Variants in RNF2 observed in about 807,000 individuals in gnomAD.
RNF2 encodes the protein ring finger protein 2, also known as E3 ubiquitin-protein ligase RING2.
Under a neutral mutation model 37.2 loss-of-function variants are expected in RNF2, and 6 were observed. The observed-to-expected ratio is 0.16, with a 90% confidence interval of 0.09 to 0.32. The LOEUF is 0.32. RNF2 is among the 10% of genes least tolerant of loss of function. The probability of loss-of-function intolerance (pLI) is 1.00; values close to 1 mark genes in which losing one functional copy is unlikely to be tolerated. For missense variants in RNF2, 251 were observed against 404.0 expected (o/e 0.62, Z 3.25); for synonymous variants, 133 against 132.7 (o/e 1.00, Z -0.02).
At chr1:185,065,999 A>C in intron 1 of RNF2, among the ~76,000 whole-genome samples, 1 of 151,290 alleles carries the variant, frequency 6.6e-6, no homozygotes, top group Non-Finnish European at 1.5e-5. Context: ...CCACAAGCTT[A>C]GGAGTCCTTT....
chr1:185,076,742 T>G (rs1351586625), intron 1 of RNF2, among the ~76,000 whole-genome samples: 1 of 152,060 alleles, frequency 6.6e-6, no homozygotes, highest in Non-Finnish European at 1.5e-5. Context: ...TTTGAGCCCT[T>G]TGTTTTGTTA....
chr1:185,085,145 C>CTTTTTTTTTTTTT (rs71555455), intron 1 of RNF2, among the ~76,000 whole-genome samples: 42 of 103,218 alleles, frequency 4.1e-4, no homozygotes, highest in Non-Finnish European at 4.8e-4. Context: ...CTTTCTTTTT[C>CTTTTTTTTTTTTT]TTTTTTTTTT....
chr1:185,100,256 C>A lies in RNF2; in HGVS notation c.966C>A (p.Asn322Lys), dbSNP rs148949992. The A allele has an allele frequency of 1.2e-6, 2 of 1,612,286 alleles. No homozygotes were observed. The highest frequency in any genetic ancestry group is 1.7e-6 in the Non-Finnish European group (2 of 1,179,424). ...TCAGTGAGAAATACTGGAAAGTGAACAAACCCATGGAACTTTATTACGCAC... is the reference window on the plus strand; with the variant it reads ...TCAGTGAGAAATACTGGAAAGTGAAAAAACCCATGGAACTTTATTACGCAC... ...ELVSEKYWKV[N>K]KPMELYYAPT... The change falls in exon 7 of 7, where the codon AAC (asparagine) becomes AAA (lysine). Residue 322 changes from asparagine (N) to lysine (K), a missense_variant. Asn to Lys is a moderately conservative substitution (Grantham distance 94, BLOSUM62 0). Transcript: ENST00000367510.
chr1:185,100,524 T>TA lies in RNF2; in HGVS notation c.*224dup, dbSNP rs1211865729. The TA allele has an allele frequency of 1.7e-5, 6 of 343,996 alleles. No individual in the cohort carries two copies. Among genetic ancestry groups the TA allele is most frequent in the African/African-American group, 1.1e-4 (5 of 45,464 alleles). 21.3% of individuals were successfully genotyped at this position (343,996 alleles called of 1,614,324 possible). The stretch of plus-strand genomic sequence containing the variant: ...TATTTTTTTCTTTCCTTTAAAAAAA[T>TA]ATATCTGAAGTTTCTTGTGTTTTTT... On this transcript the variant is annotated 3_prime_UTR_variant, in exon 7 of 7. Coordinates refer to ENST00000367510, the MANE Select transcript of RNF2 (RefSeq NM_007212.4).
chr1:185,070,638 CTTTTTTT>C (rs893631238), intron 1 of RNF2, among the ~76,000 whole-genome samples: 1 of 129,744 alleles, frequency 7.7e-6, no homozygotes, highest in African/African-American at 2.8e-5. Flanking sequence ...ATTTTCTTTT[CTTTTTTT>C]TTTTTTTTTT....
At chr1:185,067,014 A>G (rs1326888247) in intron 1 of RNF2, among the ~76,000 whole-genome samples, 3 of 152,258 alleles carry the variant, frequency 2.0e-5, no homozygotes, top group Non-Finnish European at 4.4e-5. Context: ...TGTTAAGTTT[A>G]TTACTAGTAT....
rs190481728 is a variant in RNF2 at position 185,090,186 on chromosome 1, C to T, written c.88-1393C>T. 3.9e-3 allele frequency among the ~76,000 whole-genome samples: 592 copies of T among 152,230 alleles called. 4 individuals are homozygous for T. Among genetic ancestry groups the T allele is most frequent in the African/African-American group, 0.013 (553 of 41,556 alleles). ...CCACCCGCCTCGGCCTCCCGAAGTG[C>T]TGGAATTACAGGTGTGAGCCATCGT... On this transcript the variant is annotated intron_variant, in intron 2 of 6. Transcript: ENST00000367510.
chr1:185,100,179 T>C, intron 6 of RNF2, 21 bp from the exon 7 acceptor site: 1 of 1,539,558 alleles, frequency 6.5e-7, no homozygotes, highest in Non-Finnish European at 8.8e-7. Flanking sequence ...TTCATAATTT[T>C]TTCTTTCTTT....
In RNF2 at chr1:185,102,512, A is replaced by G. The variant is rs556012998; in HGVS notation, c.*2211A>G. 6.6e-6 allele frequency: 1 copy of G among 152,194 alleles called. No homozygotes were observed. Among genetic ancestry groups the G allele is most frequent in the Non-Finnish European group, 1.5e-5 (1 of 68,012 alleles). The allele number at this position is 152,194 out of a possible 1,614,324, so 9.4% of individuals were successfully genotyped here. ...GTTAGGTACATTCACAATGTTGTGT[A>G]ATGATCACCGCTGTCTACTTGTAAA... On this transcript the variant is annotated 3_prime_UTR_variant, in exon 7 of 7. Coordinates refer to ENST00000367510, the MANE Select transcript of RNF2 (RefSeq NM_007212.4).
chr1:185,083,006 C>T (rs1355744505), intron 1 of RNF2, among the ~76,000 whole-genome samples: 1 of 152,306 alleles, frequency 6.6e-6, no homozygotes, highest in East Asian at 1.9e-4. Flanking sequence ...TACAAAGAAG[C>T]TGGCCATCTA....
At chr1:185,057,776 G>A (rs79091515) in intron 1 of RNF2, among the ~76,000 whole-genome samples, 2,256 of 149,900 alleles carry the variant, frequency 0.015, 26 homozygotes, top group Non-Finnish European at 0.024. Context: ...GGATTCAACA[G>A]ACTGCAGGTG....
chr1:185,057,276 A>C (rs1650462255), intron 1 of RNF2, among the ~76,000 whole-genome samples: 1 of 152,152 alleles, frequency 6.6e-6, no homozygotes, highest in Non-Finnish European at 1.5e-5. Flanking sequence ...ACACTGTTTC[A>C]CTCTAGCCTG....
chr1:185,078,339 T>C (rs935635004), intron 1 of RNF2, among the ~76,000 whole-genome samples: 2 of 152,232 alleles, frequency 1.3e-5, no homozygotes, highest in Non-Finnish European at 2.9e-5. Context: ...TTGATTCTTA[T>C]GAAGATTACC....
At chr1:185,079,079 C>CTTT (rs58085875) in intron 1 of RNF2, among the ~76,000 whole-genome samples, 204 of 130,374 alleles carry the variant, frequency 1.6e-3, no homozygotes, top group African/African-American at 4.7e-3. Context: ...TAGATCTTTT[C>CTTT]TTTTTTTTTT....
At chr1:185,096,626 A>G (rs1457291506) in intron 4 of RNF2, among the ~76,000 whole-genome samples, 2 of 151,972 alleles carry the variant, frequency 1.3e-5, no homozygotes, top group Non-Finnish European at 2.9e-5. Context: ...TAGGCCACCA[A>G]GTTACGTATT....
chr1:185,093,079 C>T lies in RNF2; in HGVS notation c.267C>T (p.Thr89=). Residue 89 remains threonine (T), a synonymous_variant, in exon 4 of 7, where the codon ACC becomes ACT. Transcript: ENST00000367510. ...ALRSGNKECP[T]CRKKLVSKRS... ...TATTTAGCAACAAAGAATGTCCTAC[C>T]TGTCGGAAAAAACTAGTTTCCAAAA... 1 of 1,613,808 alleles carries T rather than the reference C, an allele frequency of 6.2e-7. No individual in the cohort carries two copies. Among genetic ancestry groups the T allele is most frequent in the Non-Finnish European group, 8.5e-7 (1 of 1,179,798 alleles).
At position 185,098,332 on chromosome 1, in the gene RNF2, G is replaced by A. The variant is rs778113393; in HGVS notation, c.725G>A (p.Ser242Asn). The stretch of plus-strand genomic sequence containing the variant: ...CCCACACTTATGGAAAAAGATGACA[G>A]TGCACAGACGAGGTAAGTGTGTGGA... ...PHPTLMEKDD[S>N]AQTRYIKTSG... Residue 242 changes from serine (S) to asparagine (N), a missense_variant, in exon 5 of 7, where the codon AGT becomes AAT. Coordinates refer to ENST00000367510, the MANE Select transcript of RNF2 (RefSeq NM_007212.4). The A allele has an allele frequency of 2.0e-5, 33 of 1,613,828 alleles. No individual in the cohort carries two copies. Among genetic ancestry groups the A allele is most frequent in the Non-Finnish European group, 2.8e-5 (33 of 1,179,856 alleles).
intron 1 of RNF2, among the ~76,000 whole-genome samples, chr1:185,085,451 A>T (rs1024978445): frequency 2.0e-5 from 3 of 151,810 alleles, no homozygotes; most frequent in Non-Finnish European, 4.4e-5. Context: ...CTTCTTTCTT[A>T]TACCAGTGTT....
At chr1:185,077,298 C>G (rs532610681) in intron 1 of RNF2, among the ~76,000 whole-genome samples, 14 of 151,982 alleles carry the variant, frequency 9.2e-5, no homozygotes, top group South Asian at 2.1e-4. Flanking sequence ...CCTCCTCCCC[C>G]CTCCCTCCTA....
Sources: allele counts gnomAD v4.1 joint callset (sites outside exome capture counted in the v4.1 genomes callset), GRCh38; gene constraint gnomAD v4.1.1; transcripts MANE v1.5; gene names NCBI Gene and HGNC (gene_info 2026-07-23, HGNC 2026-07-21).